The following TENM2 variants were observed in gnomAD, a reference collection of about 807,000 sequenced individuals.
TENM2 encodes the protein teneurin transmembrane protein 2.
In TENM2, 52 loss-of-function variants were observed where a neutral mutation model predicts 245.2. The ratio of observed to expected loss-of-function variants is 0.21; its 90% CI spans 0.17 to 0.27. The LOEUF (loss-of-function observed/expected upper bound fraction) is 0.27. Ranked by LOEUF, TENM2 falls within the 10% of genes least tolerant of loss-of-function variation. The pLI, the probability that TENM2 is intolerant of heterozygous loss-of-function variation, is 1.00. For synonymous variants in TENM2, 1,363 were observed against 1,438.9 expected (o/e 0.95, Z 1.19); for missense variants, 3,046 against 3,666.8 (o/e 0.83, Z 4.37).
intron 2 of TENM2, among the ~76,000 whole-genome samples, chr5:167,389,150 T>C (rs1473814416): frequency 6.6e-6 from 1 of 151,740 alleles, no homozygotes. Flanking sequence ...GTAAGATATC[T>C]ATATGTTTTA....
chr5:167,454,633 T>G (rs1457576707), intron 2 of TENM2, among the ~76,000 whole-genome samples: 1 of 152,074 alleles, frequency 6.6e-6, no homozygotes, highest in African/African-American at 2.4e-5. Context: ...CTCTCTCTCC[T>G]CGCCCTGCCC....
chr5:167,292,963 C>T (rs1754723942), intron 1 of TENM2, among the ~76,000 whole-genome samples: 1 of 152,090 alleles, frequency 6.6e-6, no homozygotes, highest in African/African-American at 2.4e-5. Context: ...CCAGAGGTGA[C>T]TACATTTTGT....
chr5:167,245,135 G>A, the TENM2 span, among the ~76,000 whole-genome samples: 4 of 152,104 alleles, frequency 2.6e-5, no homozygotes, highest in Admixed American at 2.6e-4. Flanking sequence ...ATGTACATTA[G>A]CAGTGATGTT....
At chr5:167,270,008 T>G in the TENM2 span, among the ~76,000 whole-genome samples, 5 of 152,204 alleles carry the variant, frequency 3.3e-5, no homozygotes, top group African/African-American at 9.6e-5. Flanking sequence ...TTATCATATA[T>G]GTTATCATTT....
chr5:167,850,000 G>A (rs1770425814), intron 2 of TENM2, among the ~76,000 whole-genome samples: 1 of 152,098 alleles, frequency 6.6e-6, no homozygotes, highest in African/African-American at 2.4e-5. Context: ...TTGTCCGTGG[G>A]TGATCAACTC....
At chr5:167,306,101 G>A (rs1755658755) in intron 1 of TENM2, among the ~76,000 whole-genome samples, 1 of 152,300 alleles carries the variant, frequency 6.6e-6, no homozygotes, top group South Asian at 2.1e-4. Context: ...ATCTAGAAGA[G>A]GTGTTGGTGG....
intron 1 of TENM2, among the ~76,000 whole-genome samples, chr5:167,294,724 T>G (rs1410191222): frequency 6.6e-6 from 1 of 152,148 alleles, no homozygotes; most frequent in African/African-American, 2.4e-5. Context: ...TTGAATCAAG[T>G]GCCAGTCTAT....
At chr5:167,326,723 A>AT (rs979814727) in intron 1 of TENM2, among the ~76,000 whole-genome samples, 20 of 147,802 alleles carry the variant, frequency 1.4e-4, no homozygotes, top group African/African-American at 4.9e-4. Context: ...ATATATATAT[A>AT]AAATAAAGTC....
intron 2 of TENM2, among the ~76,000 whole-genome samples, chr5:167,754,418 G>A (rs1420431312): frequency 6.6e-6 from 1 of 152,158 alleles, no homozygotes; most frequent in Non-Finnish European, 1.5e-5. Context: ...ACTATGCTGT[G>A]CTGTCAATCA....
chr5:167,470,636 G>T (rs986018773), intron 2 of TENM2, among the ~76,000 whole-genome samples: 1 of 151,782 alleles, frequency 6.6e-6, no homozygotes, highest in African/African-American at 2.4e-5. Context: ...GTAATGGTCT[G>T]TTCCATGGAG....
At chr5:167,444,937 G>A (rs1161682367) in intron 2 of TENM2, among the ~76,000 whole-genome samples, 1 of 152,052 alleles carries the variant, frequency 6.6e-6, no homozygotes. Context: ...GTGATCACAG[G>A]TTCTAAGTCT....
At chr5:168,098,868 C>CA (rs761591055) in intron 9 of TENM2, among the ~76,000 whole-genome samples, 36 of 152,216 alleles carry the variant, frequency 2.4e-4, no homozygotes, top group Non-Finnish European at 5.0e-4. Flanking sequence ...ACAAAACTCA[C>CA]AAAATGATAT....
intron 2 of TENM2, among the ~76,000 whole-genome samples, chr5:167,546,628 G>A (rs371294565): frequency 4.6e-5 from 7 of 152,252 alleles, no homozygotes; most frequent in South Asian, 2.1e-4. Context: ...AGGATTGATC[G>A]TGAATGGGTG....
chr5:167,191,134 G>A, the TENM2 span, among the ~76,000 whole-genome samples: 1 of 151,604 alleles, frequency 6.6e-6, no homozygotes, highest in African/African-American at 2.4e-5. Context: ...TTCTAGAAAG[G>A]TTATAAAAAA....
At chr5:168,090,104 A>G (rs751946756) in intron 7 of TENM2, among the ~76,000 whole-genome samples, 1 of 152,046 alleles carries the variant, frequency 6.6e-6, no homozygotes, top group Non-Finnish European at 1.5e-5. Context: ...CAGGAAACCA[A>G]TTACATTTTG....
At chr5:167,710,836 T>C (rs990058519) in intron 2 of TENM2, among the ~76,000 whole-genome samples, 15 of 152,268 alleles carry the variant, frequency 9.9e-5, no homozygotes, top group Admixed American at 9.8e-4. Flanking sequence ...GGGTTTAAGA[T>C]GAAGACAAGC....
intron 9 of TENM2, among the ~76,000 whole-genome samples, chr5:168,106,920 G>T (rs968436299): frequency 6.6e-6 from 1 of 152,160 alleles, no homozygotes; most frequent in South Asian, 2.1e-4. Context: ...AATTAGCTGG[G>T]CATGGTAGTG....
In TENM2 at chr5:168,030,158, CTTTTTTTT is replaced by C. The variant is rs540326142; in HGVS notation, c.1187-17247_1187-17240del. 3.7e-4 allele frequency among the ~76,000 whole-genome samples: 24 copies of C among 65,290 alleles called. 1 individual carries two copies. Among genetic ancestry groups the C allele is most frequent in the East Asian group, 8.8e-4 (1 of 1,130 alleles). 42.8% of individuals were successfully genotyped at this position (65,290 alleles called of 152,430 possible). The stretch of plus-strand genomic sequence containing the variant: ...CTTTGGCCCAAGTCTGGTTCTGGCT[CTTTTTTTT>C]TTTTTTTTTTTTTTTTTTTTTCATC... On this transcript the variant is annotated intron_variant, in intron 5 of 28. Coordinates refer to ENST00000518659, the Ensembl canonical transcript of TENM2.
chr5:167,622,762 A>G (rs952724224), intron 2 of TENM2, among the ~76,000 whole-genome samples: 5 of 152,132 alleles, frequency 3.3e-5, no homozygotes, highest in Non-Finnish European at 7.4e-5. Flanking sequence ...AAGTCTTGAG[A>G]GCTATTTTGC....
Sources: gnomAD v4.1 joint callset for allele counts (sites outside exome capture counted in the v4.1 genomes callset) on GRCh38, gnomAD v4.1.1 for gene constraint, MANE v1.5 for transcripts, NCBI Gene and HGNC (gene_info 2026-07-23, HGNC 2026-07-21) for gene names.